CCDC92B: variants seen among roughly 807,000 people sequenced by gnomAD.
CCDC92B encodes the protein coiled-coil domain containing 92B, also known as coiled-coil domain-containing 92B.
In CCDC92B, 2 loss-of-function variants were observed where a neutral mutation model predicts 5.6. The observed-to-expected ratio is 0.36, with a 90% CI of 0.15 to 1.12. The LOEUF (loss-of-function observed/expected upper bound fraction) is 1.12, where lower values mean the gene tolerates loss of function less well. CCDC92B is among the 50% of genes most tolerant of loss of function. The probability of loss-of-function intolerance (pLI) is 0.40; values close to 1 mark genes in which losing one functional copy is unlikely to be tolerated. For missense variants in CCDC92B, 271 were observed against 262.2 expected, an observed-to-expected ratio of 1.03 and a Z score of -0.23; for synonymous variants, 115 against 122.3, an observed-to-expected ratio of 0.94 and a Z score of 0.39.
intron 1 of CCDC92B, among the ~76,000 whole-genome samples, chr17:2,746,051 G>T (rs569810208): frequency 1.3e-5 from 2 of 151,026 alleles, no homozygotes; most frequent in African/African-American, 4.9e-5. Flanking sequence ...GCACAATCTC[G>T]GCTCACTGCA....
intron 1 of CCDC92B, among the ~76,000 whole-genome samples, chr17:2,737,442 CT>C (rs1292054966): frequency 4.0e-5 from 6 of 151,132 alleles, no homozygotes; most frequent in African/African-American, 9.7e-5. Context: ...CCTGACCCCC[CT>C]AATCCAACCA....
chr17:2,725,646 C>T (rs528138719), intron 3 of CCDC92B, among the ~76,000 whole-genome samples: 62 of 151,778 alleles, frequency 4.1e-4, no homozygotes, highest in Non-Finnish European at 7.5e-4. Context: ...GGAGATAGGG[C>T]GCATAATAAA....
intron 1 of CCDC92B, chr17:2,748,309 G>A (rs2071011569): frequency 8.2e-7 from 1 of 1,223,870 alleles, no homozygotes; most frequent in African/African-American, 1.5e-5. Context: ...CTTTTACCAT[G>A]AAGCCATCCC....
intron 1 of CCDC92B, among the ~76,000 whole-genome samples, chr17:2,737,465 CTTTTTTTT>C (rs34254249): frequency 1.2e-3 from 71 of 60,350 alleles, no homozygotes; most frequent in African/African-American, 4.4e-3. Flanking sequence ...ATAGGCCTTT[CTTTTTTTT>C]TTTTTTTTTT....
chr17:2,732,838 C>T (rs925550012), intron 2 of CCDC92B, among the ~76,000 whole-genome samples: 9 of 151,634 alleles, frequency 5.9e-5, no homozygotes, highest in African/African-American at 2.2e-4. Context: ...ACGGTGAAAC[C>T]CCGTCTCTAC....
intron 1 of CCDC92B, among the ~76,000 whole-genome samples, chr17:2,743,365 A>T (rs560217138): frequency 6.6e-6 from 1 of 152,140 alleles, no homozygotes; most frequent in Admixed American, 6.5e-5. Flanking sequence ...CGGGAGGCAG[A>T]GGTTGCAGTG....
At position 2,721,519 on chromosome 17, in the gene CCDC92B, G is replaced by C. The variant is rs896186315; in HGVS notation, c.*2892C>G. 1.3e-5 allele frequency: 2 copies of C among 152,348 alleles called. No homozygotes were observed. Among genetic ancestry groups the C allele is most frequent in the Non-Finnish European group, 2.9e-5 (2 of 68,152 alleles). The allele number at this position is 152,348 out of a possible 1,614,324, so 9.4% of individuals were successfully genotyped here. On this transcript the variant is annotated 3_prime_UTR_variant, in exon 4 of 4. Transcript: ENST00000614400. ...ACCCAGGGAGGGTGGGGCCTCTCCA[G>C]GGCCCTGAGGCTGAGGAGAGTTGGG...
Position 2,748,506 on chromosome 17 carries a change from TTGTGTGTGTGTG to T in CCDC92B, c.-24+893_-24+904del, listed in dbSNP as rs58659149. 92 of 972,056 alleles carry T rather than the reference TTGTGTGTGTGTG, an allele frequency of 9.5e-5. No individual in the cohort carries two copies. In the East Asian group the frequency reaches 1.2e-3, roughly 12 times the overall value. 60.2% of individuals were successfully genotyped at this position (972,056 alleles called of 1,614,324 possible). A position where few individuals can be genotyped will look rare whatever the true frequency, so the allele number is the denominator to read the frequency against. On this transcript the variant is annotated intron_variant, in intron 1 of 3. Transcript: ENST00000614400. ...GCAAAGCCATAAGTCTTCATCGTGT[TTGTGTGTGTGTG>T]TGTGTGTGTGTGTGTGTGTGTGCAT... is the stretch of plus-strand genomic sequence containing the variant.
At chr17:2,731,558 T>G (rs1030106134) in intron 2 of CCDC92B, among the ~76,000 whole-genome samples, 3 of 152,188 alleles carry the variant, frequency 2.0e-5, no homozygotes, top group African/African-American at 7.2e-5. Context: ...AGGGGCCTTG[T>G]GACCCCTCTG....
Position 2,724,046 on chromosome 17 carries a change from C to G in CCDC92B, c.*365G>C. Reference sequence around the variant, plus strand: ...CTGCGTCCCTTTCCGTAGGCGAGCCCAGCCCTCCCCACCCCACCAAGGATT... The same window carrying G: ...CTGCGTCCCTTTCCGTAGGCGAGCCGAGCCCTCCCCACCCCACCAAGGATT... On this transcript the variant is annotated 3_prime_UTR_variant, in exon 4 of 4. Transcript: ENST00000614400. The surrounding 1 kb of genome is among the most constrained non-coding windows in gnomAD (Gnocchi z 5.0). The G allele has an allele frequency of 1.0e-6, 1 of 983,242 alleles. No homozygotes were observed. The highest frequency in any genetic ancestry group is 1.2e-6 in the Non-Finnish European group (1 of 828,014). The allele number at this position is 983,242 out of a possible 1,614,324, so 60.9% of individuals were successfully genotyped here. A position where few individuals can be genotyped will look rare whatever the true frequency, so the allele number is the denominator to read the frequency against.
Position 2,724,978 on chromosome 17 carries a change from C to T in CCDC92B, c.201G>A (p.Glu67=), listed in dbSNP as rs1053475998. The change falls in exon 4 of 4, where the codon GAG becomes GAA. Residue 67 remains glutamate, a synonymous_variant. Transcript: ENST00000614400. The surrounding 1 kb of genome is among the most constrained non-coding windows in gnomAD (Gnocchi z 5.0). ...GCGACTCCAGCGCGCGGCACTTGCT[C>T]TCCAGCTCCCGGGACGCCGCCTCTG... ...HQQEAASREL[E]SKCRALESQL... 7.1e-6 allele frequency: 7 copies of T among 985,388 alleles called. No individual in the cohort carries two copies. In the African/African-American group the frequency reaches 1.2e-4, roughly 17 times the overall value. The allele number at this position is 985,388 out of a possible 1,614,324, so 61.0% of individuals were successfully genotyped here. A position where few individuals can be genotyped will look rare whatever the true frequency, so the allele number is the denominator to read the frequency against.
chr17:2,733,012 CAAAATAAATAAATAAATA>C (rs1372482508), intron 2 of CCDC92B, among the ~76,000 whole-genome samples: 3 of 141,470 alleles, frequency 2.1e-5, no homozygotes, highest in Admixed American at 7.3e-5. Flanking sequence ...GACCCTGTCT[CAAAATAAATAAATAAATA>C]AAAATAAATA....
chr17:2,742,235 C>A (rs2070934383), intron 1 of CCDC92B, among the ~76,000 whole-genome samples: 1 of 152,030 alleles, frequency 6.6e-6, no homozygotes, highest in Non-Finnish European at 1.5e-5. Context: ...CCGTGCCCGG[C>A]TAATTTTTCA....
intron 2 of CCDC92B, among the ~76,000 whole-genome samples, chr17:2,731,865 T>C (rs1271671545): frequency 6.6e-6 from 1 of 152,182 alleles, no homozygotes; most frequent in Non-Finnish European, 1.5e-5. Flanking sequence ...CGCCATTAAC[T>C]CCCTGTGGGT....
At chr17:2,744,929 C>T (rs186000101) in intron 1 of CCDC92B, among the ~76,000 whole-genome samples, 23 of 150,536 alleles carry the variant, frequency 1.5e-4, no homozygotes, top group Admixed American at 1.3e-3. Context: ...ATTAGCTGGG[C>T]GTGGTGGCGT....
At chr17:2,725,091 G>C in intron 3 of CCDC92B, 91 bp from the exon 4 acceptor site, 1 of 985,596 alleles carries the variant, frequency 1.0e-6, no homozygotes, top group Non-Finnish European at 1.2e-6. Context: ...AAAACCCCCA[G>C]GCCGGGCGCG....
rs553270748 is a variant in CCDC92B at position 2,727,087 on chromosome 17, G to T, written c.179-2087C>A. 5.3e-5 allele frequency among the ~76,000 whole-genome samples: 8 copies of T among 152,182 alleles called. 1 individual carries two copies. Among genetic ancestry groups the T allele is most frequent in the African/African-American group, 1.9e-4 (8 of 41,524 alleles). Reference sequence around the variant, plus strand: ...TGTAGAGATGAGGTTTTGCCATGTTGCCTGGGCTGGTCTCGAACTTGTGGG... The same window carrying T: ...TGTAGAGATGAGGTTTTGCCATGTTTCCTGGGCTGGTCTCGAACTTGTGGG... On this transcript the variant is annotated intron_variant, in intron 3 of 3. Coordinates refer to ENST00000614400, the MANE Select transcript of CCDC92B (RefSeq NM_001355573.2).
At chr17:2,740,673 C>CAAAACAA (rs2070915524) in intron 1 of CCDC92B, among the ~76,000 whole-genome samples, 1 of 151,028 alleles carries the variant, frequency 6.6e-6, no homozygotes. Flanking sequence ...AAAAAACAAA[C>CAAAACAA]AAAACAAAAA....
At chr17:2,734,778 G>A (rs150742394) in intron 2 of CCDC92B, among the ~76,000 whole-genome samples, 21 of 152,148 alleles carry the variant, frequency 1.4e-4, no homozygotes, top group Non-Finnish European at 3.1e-4. Flanking sequence ...GTGAGCCACC[G>A]CGCCCAGCCC....
Sources: allele counts gnomAD v4.1 joint callset (sites outside exome capture counted in the v4.1 genomes callset), GRCh38; gene constraint gnomAD v4.1.1; non-coding constraint Gnocchi (gnomAD v3.1); transcripts MANE v1.5; gene names NCBI Gene and HGNC (gene_info 2026-07-23, HGNC 2026-07-21).